The following PDE8B variants were observed in gnomAD, a reference collection of about 807,000 sequenced individuals.
PDE8B encodes the protein phosphodiesterase 8B.
PDE8B carries 26 observed loss-of-function variants against 101.3 expected under a neutral mutation model. The ratio of observed to expected loss-of-function variants is 0.26; its 90% confidence interval spans 0.19 to 0.36. The LOEUF is 0.36. Among genes scored for constraint, PDE8B ranks in the 10% least tolerant of loss-of-function variants. The probability of loss-of-function intolerance (pLI) is 1.00; values close to 1 mark genes in which losing one functional copy is unlikely to be tolerated. For synonymous variants in PDE8B, 424 were observed against 429.3 expected, an observed-to-expected ratio of 0.99 and a Z score of 0.15; for missense variants, 810 against 1,163.1, an observed-to-expected ratio of 0.70 and a Z score of 4.42.
intron 2 of PDE8B, among the ~76,000 whole-genome samples, chr5:77,320,322 A>G (rs1232132986): frequency 1.3e-5 from 2 of 152,234 alleles, no homozygotes; most frequent in Admixed American, 6.5e-5. Flanking sequence ...GCCGATAGCT[A>G]TGTTCTGACT....
At chr5:77,097,732 T>TATATATAC in the PDE8B span, among the ~76,000 whole-genome samples, 14 of 65,224 alleles carry the variant, frequency 2.1e-4, no homozygotes, top group South Asian at 1.1e-3. Context: ...TATATATATA[T>TATATATAC]ACATACATAT....
At chr5:77,388,735 T>G (rs1789269004) in intron 10 of PDE8B, among the ~76,000 whole-genome samples, 1 of 152,180 alleles carries the variant, frequency 6.6e-6, no homozygotes, top group Admixed American at 6.5e-5. Flanking sequence ...AGTCCCTGAC[T>G]GGGAATGCTG....
the PDE8B span, among the ~76,000 whole-genome samples, chr5:77,157,657 C>T: frequency 1.3e-5 from 2 of 152,194 alleles, no homozygotes; most frequent in South Asian, 4.1e-4. Context: ...ATCTTATTTT[C>T]CTGGCATACA....
the PDE8B span, among the ~76,000 whole-genome samples, chr5:77,125,716 A>G: frequency 5.3e-5 from 8 of 152,226 alleles, no homozygotes; most frequent in Non-Finnish European, 7.3e-5. Flanking sequence ...AAGGAAAAAT[A>G]TTGTATGATT....
At chr5:77,191,274 TCAGTC>T in the PDE8B span, among the ~76,000 whole-genome samples, 1 of 152,212 alleles carries the variant, frequency 6.6e-6, no homozygotes, top group African/African-American at 2.4e-5. Flanking sequence ...GGGACAGACT[TCAGTC>T]CATAACATGA....
the PDE8B span, among the ~76,000 whole-genome samples, chr5:77,101,114 C>T: frequency 6.6e-6 from 1 of 150,440 alleles, no homozygotes; most frequent in Non-Finnish European, 1.5e-5. Context: ...GGACCACAGG[C>T]ACGCATCACC....
At chr5:77,381,144 A>G (rs1212795392) in intron 10 of PDE8B, among the ~76,000 whole-genome samples, 3 of 152,210 alleles carry the variant, frequency 2.0e-5, no homozygotes, top group African/African-American at 4.8e-5. Context: ...GCTGCCTGGA[A>G]TTGACCCTAA....
intron 10 of PDE8B, among the ~76,000 whole-genome samples, chr5:77,373,362 C>T (rs147435214): frequency 5.5e-4 from 83 of 152,248 alleles, no homozygotes; most frequent in East Asian, 5.0e-3. Flanking sequence ...TTAAACTGCA[C>T]GTATTTAAAG....
intron 1 of PDE8B, among the ~76,000 whole-genome samples, chr5:77,307,533 T>C (rs1450193876): frequency 6.6e-6 from 1 of 152,186 alleles, no homozygotes; most frequent in African/African-American, 2.4e-5. Context: ...GGACCCATGT[T>C]GCCAGCTTGA....
At chr5:77,112,056 T>C in the PDE8B span, 2 of 152,312 alleles carry the variant, frequency 1.3e-5, no homozygotes, top group African/African-American at 2.4e-5. Context: ...AATTTCAACA[T>C]GCTATCAATA....
intron 1 of PDE8B, among the ~76,000 whole-genome samples, chr5:77,297,417 C>A (rs1275234930): frequency 6.6e-6 from 1 of 152,036 alleles, no homozygotes; most frequent in East Asian, 1.9e-4. Context: ...ATCTGGAAGG[C>A]CAGTCATTAC....
intron 21 of PDE8B, 64 bp from the exon 22 acceptor site, chr5:77,426,381 G>A: frequency 9.4e-7 from 1 of 1,064,404 alleles, no homozygotes; most frequent in Non-Finnish European, 1.4e-6. Context: ...GACACCCCCA[G>A]GCTTATAAAT....
At chr5:77,280,820 C>T (rs757637436) in intron 1 of PDE8B, among the ~76,000 whole-genome samples, 15 of 152,194 alleles carry the variant, frequency 9.9e-5, no homozygotes, top group East Asian at 1.9e-4. Flanking sequence ...TCGCTTGAAC[C>T]GGGGAGGTGG....
the PDE8B span, among the ~76,000 whole-genome samples, chr5:77,136,964 A>G: frequency 1.3e-5 from 2 of 151,898 alleles, no homozygotes; most frequent in Non-Finnish European, 2.9e-5. Flanking sequence ...CAGTTGCCTC[A>G]CCCCAACTAG....
chr5:77,134,477 G>A, the PDE8B span: 50,906 of 152,106 alleles, frequency 0.33, 8,844 homozygotes, highest in Non-Finnish European at 0.39. Context: ...CACAGCAAGT[G>A]TCCCATTGAA....
the PDE8B span, among the ~76,000 whole-genome samples, chr5:77,116,568 G>GT: frequency 2.6e-5 from 4 of 152,120 alleles, no homozygotes; most frequent in Non-Finnish European, 5.9e-5. Context: ...TAAGGACACA[G>GT]TTTTAATAGA....
chr5:77,344,178 G>GA (rs1779738503), intron 6 of PDE8B, among the ~76,000 whole-genome samples: 1 of 152,136 alleles, frequency 6.6e-6, no homozygotes, highest in Non-Finnish European at 1.5e-5. Flanking sequence ...ACATAAACCA[G>GA]TATCCTAGTT....
intron 2 of PDE8B, among the ~76,000 whole-genome samples, chr5:77,315,291 T>G (rs572468804): frequency 4.4e-4 from 67 of 152,336 alleles, no homozygotes; most frequent in African/African-American, 1.6e-3. Context: ...AACTTTTAAT[T>G]TTAGATCTGT....
intron 15 of PDE8B, 24 bp from the exon 16 acceptor site, chr5:77,412,076 C>G: frequency 1.9e-6 from 3 of 1,613,652 alleles, no homozygotes; most frequent in Non-Finnish European, 2.5e-6. Flanking sequence ...TAACCAGCCT[C>G]CCCCATCCCA....
Sources: gnomAD v4.1 joint callset for allele counts (sites outside exome capture counted in the v4.1 genomes callset) on GRCh38, gnomAD v4.1.1 for gene constraint, MANE v1.5 for transcripts, NCBI Gene and HGNC (gene_info 2026-07-23, HGNC 2026-07-21) for gene names.